Variants in GPAA1 observed in about 807,000 individuals in gnomAD.
The protein encoded by GPAA1 is GPI-anchor transamidase component GPAA1.
GPAA1 carries 54 observed loss-of-function variants against 64.0 expected under a neutral mutation model. The ratio of observed to expected loss-of-function variants is 0.84; its 90% CI spans 0.68 to 1.06. GPAA1 has a LOEUF of 1.06. GPAA1 is among the 50% of genes least tolerant of loss of function. The pLI, the probability that GPAA1 is intolerant of heterozygous loss-of-function variation, is 0.00. For missense variants in GPAA1, 780 were observed against 822.3 expected, an observed-to-expected ratio of 0.95 and a Z score of 0.63; for synonymous variants, 393 against 377.3, an observed-to-expected ratio of 1.04 and a Z score of -0.48.
rs1554764053 is a variant in GPAA1 at position 144,084,436 on chromosome 8, A to G, written c.837A>G (p.Ser279=). Residue 279 remains serine (S), a synonymous_variant, in exon 7 of 12, where the codon TCA becomes TCG. Coordinates refer to ENST00000355091, the MANE Select transcript of GPAA1 (RefSeq NM_003801.4). ...QGKLQPEDWT[S]LDGPLQGLQT... is the part of the protein sequence containing the mutation. ...AGCTGCAGCCCGAGGACTGGACATC[A>G]TTGGATGGACCGCTGCAGGGCCTGC... 1 of 1,612,688 alleles carries G rather than the reference A, an allele frequency of 6.2e-7. No homozygotes were observed. Among genetic ancestry groups the G allele is most frequent in the African/African-American group, 1.3e-5 (1 of 75,032 alleles).
chr8:144,083,102 G>A, intron 1 of GPAA1, 22 bp from the exon 2 acceptor site: 1 of 1,601,420 alleles, frequency 6.2e-7, no homozygotes, highest in Non-Finnish European at 8.5e-7. Context: ...ACGCTCCGGT[G>A]CCCCTCCGTC....
In GPAA1 at chr8:144,084,704, C is replaced by T; in HGVS notation, c.1011-18C>T. On this transcript the variant is annotated intron_variant, in intron 7 of 11. Transcript: ENST00000355091. ...CTGGTGGCTCTGGCCAGCCGTGAAC[C>T]TGCCCCACACCTGACAGGGCTTTGG... 6.2e-7 allele frequency: 1 copy of T among 1,613,068 alleles called. No individual in the cohort carries two copies.
Position 144,086,033 on chromosome 8 carries a change from C to T in GPAA1, c.1774C>T (p.His592Tyr). 6.2e-7 allele frequency: 1 copy of T among 1,612,720 alleles called. No individual in the cohort carries two copies. Residue 592 changes from histidine to tyrosine, a missense_variant, in exon 12 of 12, where the codon CAC becomes TAC. His to Tyr is a moderately conservative substitution (Grantham distance 83). Transcript: ENST00000355091. ...AGCGCTAGCCCAGGGTGTGCTGGAGCACCACACCTACGGCGCCCTGCTCTT... is the reference window on the plus strand; with the variant it reads ...AGCGCTAGCCCAGGGTGTGCTGGAGTACCACACCTACGGCGCCCTGCTCTT... ...LAALAQGVLEHHTYGALLFPL... is the reference protein window; with the variant it reads ...LAALAQGVLEYHTYGALLFPL...
At position 144,083,397 on chromosome 8, in the gene GPAA1, C is replaced by T. The variant is rs1554763823; in HGVS notation, c.263C>T (p.Pro88Leu). The T allele has an allele frequency of 1.2e-6, 2 of 1,613,510 alleles. No individual in the cohort carries two copies. Among genetic ancestry groups the T allele is most frequent in the Non-Finnish European group, 8.5e-7 (1 of 1,179,908 alleles). The change falls in exon 3 of 12, where the codon CCA becomes CTA. Residue 88 changes from proline (P) to leucine (L), a missense_variant. Pro to Leu is a moderately conservative substitution (Grantham distance 98). Transcript: ENST00000355091. Reference sequence around the variant, plus strand: ...TCCCTTCGTGTCTGCAGGGCTCTGCCAGTGGCCTGGCTTGAACGGACGATG... The same window carrying T: ...TCCCTTCGTGTCTGCAGGGCTCTGCTAGTGGCCTGGCTTGAACGGACGATG... ...AAHRKKSGAL[P>L]VAWLERTMRS...
Position 144,084,138 on chromosome 8 carries a change from G to T in GPAA1, c.621G>T (p.Met207Ile). 6.2e-7 allele frequency: 1 copy of T among 1,613,558 alleles called. No homozygotes were observed. Among genetic ancestry groups the T allele is most frequent in the Non-Finnish European group, 8.5e-7 (1 of 1,179,952 alleles). Residue 207 changes from methionine (M) to isoleucine (I), a missense_variant, in exon 6 of 12, where the codon ATG (methionine) becomes ATT (isoleucine). By Grantham distance (10) the Met-to-Ile change is conservative. Transcript: ENST00000355091. The stretch of plus-strand genomic sequence containing the variant: ...CTCATTCACTTGCTCCTACAGGCAT[G>T]CAGTCGTCTCCCCTGCAGGGCCGAG... ...EAYHDVNVTG[M>I]QSSPLQGRAG...
At position 144,084,809 on chromosome 8, in the gene GPAA1, C is replaced by G; in HGVS notation, c.1098C>G (p.Ser366=). The G allele has an allele frequency of 6.2e-7, 1 of 1,613,766 alleles. No homozygotes were observed. Among genetic ancestry groups the G allele is most frequent in the Non-Finnish European group, 8.5e-7 (1 of 1,180,008 alleles). The change falls in exon 8 of 12, where the codon TCC becomes TCG. Residue 366 remains serine (S), a synonymous_variant. Coordinates refer to ENST00000355091, the MANE Select transcript of GPAA1 (RefSeq NM_003801.4). ...TCCTCTACTTGCTCCCCGGCCTCTC[C>G]CGCTTCGTCTCCATCGGCCTCTACA... The part of the protein sequence containing the change: ...SFFLYLLPGL[S]RFVSIGLYMP...
chr8:144,086,111 C>G lies in GPAA1; in HGVS notation c.1852C>G (p.Leu618Val). 1 of 1,613,058 alleles carries G rather than the reference C, an allele frequency of 6.2e-7. No individual in the cohort carries two copies. The highest frequency in any genetic ancestry group is 8.5e-7 in the Non-Finnish European group (1 of 1,179,770). The change falls in exon 12 of 12, where the codon CTC (leucine) becomes GTC (valine). Residue 618 changes from leucine to valine, a missense_variant. Transcript: ENST00000355091. The stretch of plus-strand genomic sequence containing the variant: ...CTGCTGGCTGCTTTTCTGGAATGTG[C>G]TCTTCTGGAAGTGAGATCTGCCTGT... ...YPCWLLFWNV[L>V]FWK
At chr8:144,085,821 C>T in intron 11 of GPAA1, 61 bp from the exon 12 acceptor site, 28 of 1,600,238 alleles carry the variant, frequency 1.7e-5, no homozygotes, top group Non-Finnish European at 2.4e-5. Flanking sequence ...TAGCCCTTTC[C>T]CCCAACCTGG....
In GPAA1 at chr8:144,083,189, G is replaced by A. The variant is rs1554763766; in HGVS notation, c.140G>A (p.Arg47His). 1.2e-6 allele frequency: 2 copies of A among 1,613,080 alleles called. No homozygotes were observed. Among genetic ancestry groups the A allele is most frequent in the Admixed American group, 1.7e-5 (1 of 60,010 alleles). The change falls in exon 2 of 12, where the codon CGC (arginine) becomes CAC (histidine). Residue 47 changes from arginine to histidine, a missense_variant. By Grantham distance (29) the Arg-to-His change is conservative (BLOSUM62 0). Transcript: ENST00000355091. ...CTGGTTTTCCCGCCGCTGACCCAGC[G>A]CACTTACATGTCGGAGAACGCCATG... Reference protein sequence around the residue: ...LALVFPPLTQRTYMSENAMGS... With the variant: ...LALVFPPLTQHTYMSENAMGS...
In GPAA1 at chr8:144,083,791, GC is replaced by G. The variant is rs1554763899; in HGVS notation, c.447del (p.Cys150ValfsTer35). 1 of 1,608,618 alleles carries G rather than the reference GC, an allele frequency of 6.2e-7. No individual in the cohort carries two copies. Among genetic ancestry groups the G allele is most frequent in the African/African-American group, 1.3e-5 (1 of 74,952 alleles). ...GCACCGAGTCGCTTGTGCTCACCGT[GC>G]CCTGTGGCTCTGACTCTACCAACAG... ...ASTESLVLTVPCGSDSTNSQA... is the reference protein window; with the variant it reads ...ASTESLVLTVXCGSDSTNSQA... On this transcript the variant is annotated frameshift_variant, in exon 4 of 12. Coordinates refer to ENST00000355091, the MANE Select transcript of GPAA1 (RefSeq NM_003801.4). LOFTEE classifies it high-confidence loss of function.
In GPAA1 at chr8:144,084,860, G is replaced by T; in HGVS notation, c.1149G>T (p.Leu383=). Residue 383 remains leucine (L), a synonymous_variant, in exon 8 of 12, where the codon CTG becomes CTT. Transcript: ENST00000355091. ...TGCCCGCTGTCGGCTTCTTGCTCCTGGTCCTTGGTCTCAAGATATCCTCTG... is the reference window on the plus strand; with the variant it reads ...TGCCCGCTGTCGGCTTCTTGCTCCTTGTCCTTGGTCTCAAGATATCCTCTG... The part of the protein sequence containing the change: ...LYMPAVGFLL[L]VLGLKALELW... 6.2e-7 allele frequency: 1 copy of T among 1,613,550 alleles called. No homozygotes were observed. Among genetic ancestry groups the T allele is most frequent in the Non-Finnish European group, 8.5e-7 (1 of 1,179,990 alleles).
In GPAA1 at chr8:144,083,203, G is replaced by C. The variant is rs1445552593; in HGVS notation, c.154G>C (p.Glu52Gln). ...PPLTQRTYMSENAMGSTMVEE... is the reference protein window; with the variant it reads ...PPLTQRTYMSQNAMGSTMVEE... ...GCTGACCCAGCGCACTTACATGTCGGAGAACGCCATGGGCTCCACCATGGT... is the reference window on the plus strand; with the variant it reads ...GCTGACCCAGCGCACTTACATGTCGCAGAACGCCATGGGCTCCACCATGGT... Residue 52 changes from glutamate to glutamine, a missense_variant, in exon 2 of 12, where the codon GAG becomes CAG. Transcript: ENST00000355091. 6.2e-7 allele frequency: 1 copy of C among 1,612,984 alleles called. No homozygotes were observed. Among genetic ancestry groups the C allele is most frequent in the Non-Finnish European group, 8.5e-7 (1 of 1,179,770 alleles).
Position 144,086,116 on chromosome 8 carries a change from C to G in GPAA1, c.1857C>G (p.Phe619Leu). 1.2e-6 allele frequency: 2 copies of G among 1,612,410 alleles called. No homozygotes were observed. The highest frequency in any genetic ancestry group is 1.7e-6 in the Non-Finnish European group (2 of 1,179,274). The change falls in exon 12 of 12, where the codon TTC becomes TTG. Residue 619 changes from phenylalanine to leucine, a missense_variant. Coordinates refer to ENST00000355091, the MANE Select transcript of GPAA1 (RefSeq NM_003801.4). ...GGCTGCTTTTCTGGAATGTGCTCTT[C>G]TGGAAGTGAGATCTGCCTGTCCGGG... is the stretch of plus-strand genomic sequence containing the variant. The part of the protein sequence containing the change: ...PCWLLFWNVL[F>L]WK
In GPAA1 at chr8:144,085,477, C is replaced by G. The variant is rs1306815843; in HGVS notation, c.1449C>G (p.His483Gln). 6.2e-7 allele frequency: 1 copy of G among 1,603,952 alleles called. No homozygotes were observed. The highest frequency in any genetic ancestry group is 1.3e-5 in the African/African-American group (1 of 74,920). Residue 483 changes from histidine to glutamine, a missense_variant and splice_region_variant, in exon 10 of 12, where the codon CAC becomes CAG. Transcript: ENST00000355091. Reference protein sequence around the residue: ...AAGLALPHNTHRVVSTQAPDR... With the variant: ...AAGLALPHNTQRVVSTQAPDR... ...GCCTGGCCCTGCCCCACAATACCCACCGGTAAGAGGCTGGGCTGGTTGTTG... is the reference window on the plus strand; with the variant it reads ...GCCTGGCCCTGCCCCACAATACCCAGCGGTAAGAGGCTGGGCTGGTTGTTG...
Position 144,085,037 on chromosome 8 carries a change from G to C in GPAA1, c.1165-6G>C, listed in dbSNP as rs1554764148. The C allele has an allele frequency of 6.2e-7, 1 of 1,605,128 alleles. No individual in the cohort carries two copies. The highest frequency in any genetic ancestry group is 8.5e-7 in the Non-Finnish European group (1 of 1,175,514). On this transcript the variant is annotated splice_polypyrimidine_tract_variant and splice_region_variant and intron_variant, in intron 8 of 11. Transcript: ENST00000355091. ...CACCTCTTGTTGGGGTCCTTGATTG[G>C]GCTACGCTCTGGAACTGTGGATGCA...
Position 144,083,234 on chromosome 8 carries a change from A to G in GPAA1, c.185A>G (p.Glu62Gly). ...ENAMGSTMVE[E>G]QFAGGDRARA... ...GCCATGGGCTCCACCATGGTGGAGG[A>G]GCAGTTTGCGGGCGGAGACCGTGCC... The change falls in exon 2 of 12, where the codon GAG becomes GGG. Residue 62 changes from glutamate (E) to glycine (G), a missense_variant. Transcript: ENST00000355091. 1 of 1,609,450 alleles carries G rather than the reference A, an allele frequency of 6.2e-7. No individual in the cohort carries two copies. The highest frequency in any genetic ancestry group is 1.7e-5 in the Admixed American group (1 of 59,786).
At chr8:144,085,797 G>C in intron 11 of GPAA1, 54 bp downstream of exon 11, 2 of 1,600,446 alleles carry the variant, frequency 1.2e-6, no homozygotes, top group South Asian at 2.2e-5. Flanking sequence ...ATCACAGACC[G>C]CACCCTCATT....
chr8:144,084,581 T>C lies in GPAA1; in HGVS notation c.982T>C (p.Tyr328His), dbSNP rs1564304877. Reference sequence around the variant, plus strand: ...GCGTGGCATCAATAGCTTCCGCCAGTACAAGTATGACCTGGTGGCAGTGGG... The same window carrying C: ...GCGTGGCATCAATAGCTTCCGCCAGCACAAGTATGACCTGGTGGCAGTGGG... Reference protein sequence around the residue: ...TLRGINSFRQYKYDLVAVGKA... With the variant: ...TLRGINSFRQHKYDLVAVGKA... Residue 328 changes from tyrosine (Y) to histidine (H), a missense_variant, in exon 7 of 12, where the codon TAC (tyrosine) becomes CAC (histidine). By Grantham distance (83) the Tyr-to-His change is moderately conservative. Coordinates refer to ENST00000355091, the MANE Select transcript of GPAA1 (RefSeq NM_003801.4). 1 of 1,613,438 alleles carries C rather than the reference T, an allele frequency of 6.2e-7. No individual in the cohort carries two copies. The highest frequency in any genetic ancestry group is 8.5e-7 in the Non-Finnish European group (1 of 1,179,488).
Position 144,084,275 on chromosome 8 carries a change from A to T in GPAA1, c.758A>T (p.Asn253Ile), listed in dbSNP as rs1483302330. ...CAGCTGCCCAACCTTGACCTGCTCA[A>T]TCTCTTCCAGACCTTCTGCCAGAAA... The part of the protein sequence containing the change: ...NGQLPNLDLL[N>I]LFQTFCQKGG... Residue 253 changes from asparagine to isoleucine, a missense_variant, in exon 6 of 12, where the codon AAT (asparagine) becomes ATT (isoleucine). Asn to Ile is a moderately radical substitution (Grantham distance 149, BLOSUM62 -3). Coordinates refer to ENST00000355091, the MANE Select transcript of GPAA1 (RefSeq NM_003801.4). The T allele has an allele frequency of 2.5e-6, 4 of 1,613,602 alleles. 1 individual carries two copies. In the South Asian group the frequency reaches 4.4e-5, roughly 18 times the overall value.
Sources: gnomAD v4.1 joint callset for allele counts on GRCh38, gnomAD v4.1.1 for gene constraint, MANE v1.5 for transcripts, NCBI Gene and HGNC (gene_info 2026-07-23, HGNC 2026-07-21) for gene names.